The following SLCO2B1 variants were observed in gnomAD, a reference collection of about 807,000 sequenced individuals.
SLCO2B1 encodes solute carrier organic anion transporter family member 2B1.
In SLCO2B1, 41 loss-of-function variants were observed where a neutral mutation model predicts 67.3. The ratio of observed to expected loss-of-function variants is 0.61; its 90% CI spans 0.47 to 0.79. The LOEUF is 0.79. SLCO2B1 is among the 30% of genes least tolerant of loss of function. SLCO2B1 has a pLI of 0.00. For synonymous variants in SLCO2B1, 379 were observed against 381.4 expected (o/e 0.99, Z 0.07); for missense variants, 837 against 920.1 (o/e 0.91, Z 1.17).
intron 7 of SLCO2B1, among the ~76,000 whole-genome samples, chr11:75,179,662 C>T (rs1045961500): frequency 6.6e-6 from 1 of 152,176 alleles, no homozygotes; most frequent in African/African-American, 2.4e-5. Context: ...CAATGTATAA[C>T]CAATCAATAG....
chr11:75,198,411 C>T (rs1411365298), intron 10 of SLCO2B1, among the ~76,000 whole-genome samples: 1 of 152,220 alleles, frequency 6.6e-6, no homozygotes, highest in Non-Finnish European at 1.5e-5. Context: ...GTAAGCAAAG[C>T]GCCACATAAC....
intron 7 of SLCO2B1, among the ~76,000 whole-genome samples, chr11:75,173,483 C>A (rs1377338814): frequency 2.0e-5 from 3 of 152,182 alleles, no homozygotes; most frequent in Admixed American, 1.3e-4. Context: ...ACCCTTCCAG[C>A]GGGCACAGTC....
Position 75,172,403 on chromosome 11 carries a change from AC to A in SLCO2B1, c.811del (p.Arg271AspfsTer45). On this transcript the variant is annotated frameshift_variant, in exon 7 of 14. Transcript: ENST00000289575. LOFTEE classifies it high-confidence loss of function. The part of the protein sequence containing the change: ...PEGGISLTIK[D>X]PRWVGAWWLG... ...GGTGGTATCAGCCTGACCATAAAGG[AC>A]CCCCGATGGGTGGGTGCCTGGTGGC... 10 of 1,613,500 alleles carry A rather than the reference AC, an allele frequency of 6.2e-6. No individual in the cohort carries two copies. The highest frequency in any genetic ancestry group is 8.5e-6 in the Non-Finnish European group (10 of 1,179,772).
At chr11:75,177,594 T>C (rs562925840) in intron 7 of SLCO2B1, among the ~76,000 whole-genome samples, 4 of 152,280 alleles carry the variant, frequency 2.6e-5, no homozygotes, top group Non-Finnish European at 5.9e-5. Context: ...GGTCCAGTGG[T>C]GGTGGGCTGG....
intron 7 of SLCO2B1, among the ~76,000 whole-genome samples, chr11:75,187,524 G>A (rs140423085): frequency 1.3e-4 from 20 of 152,292 alleles, no homozygotes; most frequent in African/African-American, 3.6e-4. Context: ...TGGCAGTGGC[G>A]ATGGAGATGA....
chr11:75,184,004 T>A (rs1399865540), intron 7 of SLCO2B1, among the ~76,000 whole-genome samples: 1 of 152,220 alleles, frequency 6.6e-6, no homozygotes, highest in Non-Finnish European at 1.5e-5. Context: ...CCAGCCCATA[T>A]ACCAGTGGCC....
Position 75,193,489 on chromosome 11 carries a change from G to A in SLCO2B1, c.1347G>A (p.Gly449=). The A allele has an allele frequency of 1.2e-6, 2 of 1,610,044 alleles. No homozygotes were observed. Among genetic ancestry groups the A allele is most frequent in the Non-Finnish European group, 1.7e-6 (2 of 1,177,354 alleles). The change falls in exon 9 of 14, where the codon GGG becomes GGA. Residue 449 remains glycine, a synonymous_variant. Coordinates refer to ENST00000289575, the MANE Select transcript of SLCO2B1 (RefSeq NM_007256.5). This position sits in a 1 kb window ranked among gnomAD's most constrained non-coding sequence, Gnocchi z 4.2. ...GATGCGGTGCCCTTTGCCTGCTGGG[G>A]ATGCTGCTGTGCCTCTTCTTCAGCC... ...PVGCGALCLL[G]MLLCLFFSLP... is the part of the protein sequence containing the mutation.
In SLCO2B1 at chr11:75,205,900, C is replaced by T. The variant is rs1270333373; in HGVS notation, c.*1320C>T. The T allele has an allele frequency of 3.9e-5, 6 of 152,218 alleles. No homozygotes were observed. The highest frequency in any genetic ancestry group is 8.8e-5 in the Non-Finnish European group (6 of 68,044). 9.4% of individuals were successfully genotyped at this position (152,218 alleles called of 1,614,324 possible). A position where few individuals can be genotyped will look rare whatever the true frequency, so the allele number is the denominator to read the frequency against. ...GCTCGGGAGGCAGCAGACAGGGAGC[C>T]ACCAGCAGTGGCTTCCTGGCCCTGT... is the stretch of plus-strand genomic sequence containing the variant. On this transcript the variant is annotated 3_prime_UTR_variant, in exon 14 of 14. Transcript: ENST00000289575.
intron 1 of SLCO2B1, among the ~76,000 whole-genome samples, chr11:75,157,504 G>A (rs1230926778): frequency 6.6e-6 from 1 of 152,214 alleles, no homozygotes; most frequent in African/African-American, 2.4e-5. Context: ...AGATGATCCA[G>A]AGATGGATGA....
chr11:75,156,058 C>T (rs564265721), intron 1 of SLCO2B1, among the ~76,000 whole-genome samples: 48 of 152,264 alleles, frequency 3.2e-4, no homozygotes, highest in African/African-American at 1.1e-3. Context: ...AGGCATAGGA[C>T]ATTTTCCTTT....
intron 6 of SLCO2B1, among the ~76,000 whole-genome samples, chr11:75,170,637 C>T (rs1789694): frequency 0.7 from 106,054 of 152,054 alleles, 38,275 homozygotes; most frequent in South Asian, 0.83. Context: ...CGCTGCTTCT[C>T]GTTCCCCAGC....
At chr11:75,201,668 A>G (rs1232588406) in intron 11 of SLCO2B1, 1 of 152,186 alleles carries the variant, frequency 6.6e-6, no homozygotes, top group African/African-American at 2.4e-5. Context: ...GCTCAGGAAA[A>G]CATCTACTTA....
chr11:75,203,084 C>CT (rs1466264363), intron 12 of SLCO2B1, 119 bp downstream of exon 12: 1 of 1,168,902 alleles, frequency 8.6e-7, no homozygotes, highest in Non-Finnish European at 1.3e-6. Flanking sequence ...CTCACAAGCT[C>CT]ATGGGGTGAC....
intron 2 of SLCO2B1, 70 bp downstream of exon 2, chr11:75,162,855 A>G: frequency 6.5e-7 from 1 of 1,531,532 alleles, no homozygotes; most frequent in Non-Finnish European, 8.8e-7. Flanking sequence ...TGGTGGTGTA[A>G]TGCCAAGGAA....
intron 5 of SLCO2B1, 33 bp from the exon 6 acceptor site, chr11:75,169,633 C>A: frequency 6.4e-7 from 1 of 1,563,266 alleles, no homozygotes; most frequent in Admixed American, 1.7e-5. Flanking sequence ...GAAGCCAGGG[C>A]CAGAGGATCC....
At chr11:75,157,683 T>C (rs1032784343) in intron 1 of SLCO2B1, among the ~76,000 whole-genome samples, 18 of 152,234 alleles carry the variant, frequency 1.2e-4, no homozygotes, top group Admixed American at 1.2e-3. Context: ...CTTACCTCTT[T>C]GAGGTCGTAT....
Position 75,193,199 on chromosome 11 carries a change from T to C in SLCO2B1, c.1076-19T>C. ...CTTGGCTGCCCTGCCTGCCCTGACC[T>C]CTGCACTCGCCCCCACAGTCTTCCC... is the stretch of plus-strand genomic sequence containing the variant. On this transcript the variant is annotated intron_variant, in intron 8 of 13. Coordinates refer to ENST00000289575, the MANE Select transcript of SLCO2B1 (RefSeq NM_007256.5). The surrounding 1 kb of genome is among the most constrained non-coding windows in gnomAD (Gnocchi z 4.2). 6.3e-7 allele frequency: 1 copy of C among 1,586,202 alleles called. No homozygotes were observed. Among genetic ancestry groups the C allele is most frequent in the Non-Finnish European group, 8.6e-7 (1 of 1,164,258 alleles).
In SLCO2B1 at chr11:75,188,232, A is replaced by C. The variant is rs1476301449; in HGVS notation, c.1069A>C (p.Ile357Leu). 1.2e-6 allele frequency: 2 copies of C among 1,612,354 alleles called. No homozygotes were observed. The highest frequency in any genetic ancestry group is 1.1e-5 in the South Asian group (1 of 90,998). ...IAPNLTVIQF[I>L]KVFPRVLLQT... ...ACCAAACCTGACTGTGATCCAGTTC[A>C]TTAAAGGTAAGTCAGCTCAGACCAG... The change falls in exon 8 of 14, where the codon ATT (isoleucine) becomes CTT (leucine). Residue 357 changes from isoleucine (I) to leucine (L), a missense_variant. Transcript: ENST00000289575.
At chr11:75,166,579 C>T (rs1444316279) in intron 4 of SLCO2B1, among the ~76,000 whole-genome samples, 1 of 152,044 alleles carries the variant, frequency 6.6e-6, no homozygotes, top group African/African-American at 2.4e-5. Context: ...ACCCACTCAC[C>T]CATCTGTCCA....
Sources: allele counts gnomAD v4.1 joint callset (sites outside exome capture counted in the v4.1 genomes callset), GRCh38; gene constraint gnomAD v4.1.1; non-coding constraint Gnocchi (gnomAD v3.1); transcripts MANE v1.5; gene names NCBI Gene and HGNC (gene_info 2026-07-23, HGNC 2026-07-21).